TDRD12: variants seen among roughly 807,000 people sequenced by gnomAD.
The protein encoded by TDRD12 is putative ATP-dependent RNA helicase TDRD12.
Under a neutral mutation model 133.5 loss-of-function variants are expected in TDRD12, and 158 were observed. That is an observed-to-expected ratio of 1.18 (90% CI 1.04 to 1.35). TDRD12 has a LOEUF of 1.35. Among genes scored for constraint, TDRD12 ranks in the 40% most tolerant of loss-of-function variants. The pLI, the probability that TDRD12 is intolerant of heterozygous loss-of-function variation, is 0.00. For synonymous variants in TDRD12, 460 were observed against 477.9 expected, an observed-to-expected ratio of 0.96 and a Z score of 0.49; for missense variants, 1,443 against 1,321.3, an observed-to-expected ratio of 1.09 and a Z score of -1.43.
At chr19:32,723,450 T>A (rs1436576038) in intron 1 of TDRD12, among the ~76,000 whole-genome samples, 2 of 151,888 alleles carry the variant, frequency 1.3e-5, no homozygotes, top group African/African-American at 4.8e-5. Flanking sequence ...AGGGTTTCAC[T>A]GTGTTAGCCA....
chr19:32,827,091 C>A, intron 9 of TDRD12, 73 bp from the exon 33 acceptor site: 1 of 846,980 alleles, frequency 1.2e-6, no homozygotes, highest in Non-Finnish European at 1.6e-6. Flanking sequence ...TCTGCATTGA[C>A]CCAAATAATG....
intron 10 of TDRD12, among the ~76,000 whole-genome samples, chr19:32,775,331 A>G (rs1394061048): frequency 6.6e-6 from 1 of 152,000 alleles, no homozygotes; most frequent in Admixed American, 6.6e-5. Flanking sequence ...TCTATTTATT[A>G]TATCTATATT....
At chr19:32,721,491 T>G (rs1184580212) in intron 1 of TDRD12, among the ~76,000 whole-genome samples, 1 of 152,002 alleles carries the variant, frequency 6.6e-6, no homozygotes, top group Non-Finnish European at 1.5e-5. Context: ...GTTCAAGTGA[T>G]TCTCCTGCCT....
In TDRD12 at chr19:32,781,237, C is replaced by T. The variant is rs559111285; in HGVS notation, c.1121+4008C>T. 2.6e-4 allele frequency among the ~76,000 whole-genome samples: 40 copies of T among 152,258 alleles called. 2 individuals are homozygous for T. The South Asian group carries it at 3.9e-3, about 15-fold the overall frequency. On this transcript the variant is annotated intron_variant, in intron 11 of 27. Transcript: ENST00000444215. ...GATTACAGGCGTGAGCCACCGCGCT[C>T]GGCCATTTTTAATCTATCTTAAAGA...
chr19:32,766,777 G>T (rs190496101), intron 8 of TDRD12, among the ~76,000 whole-genome samples: 35 of 152,066 alleles, frequency 2.3e-4, no homozygotes, highest in African/African-American at 7.5e-4. Context: ...ACCACGCCCG[G>T]CTAGTTTTTG....
intron 1 of TDRD12, 33 bp from the exon 2 acceptor site, chr19:32,731,692 C>A (rs529101068): frequency 6.6e-7 from 1 of 1,508,230 alleles, no homozygotes; most frequent in Admixed American, 2.3e-5. Flanking sequence ...TTAAATCATA[C>A]GCTGTTCTGT....
chr19:32,773,447 CT>C lies in TDRD12; in HGVS notation c.964-5del. On this transcript the variant is annotated splice_polypyrimidine_tract_variant and splice_region_variant and intron_variant, in intron 9 of 27. Transcript: ENST00000444215. Reference sequence around the variant, plus strand: ...CACATTCTTTCTGAAGAAAAGTTTTCTTTTACAGCGTGTTGAATCCTCAGTG... The same window carrying C: ...CACATTCTTTCTGAAGAAAAGTTTTCTTTACAGCGTGTTGAATCCTCAGTG... 1 of 1,551,390 alleles carries C rather than the reference CT, an allele frequency of 6.4e-7. No individual in the cohort carries two copies. The highest frequency in any genetic ancestry group is 8.7e-7 in the Non-Finnish European group (1 of 1,146,782).
At chr19:32,785,988 AT>A (rs1010888443) in intron 11 of TDRD12, among the ~76,000 whole-genome samples, 37 of 152,154 alleles carry the variant, frequency 2.4e-4, no homozygotes, top group African/African-American at 8.4e-4. Flanking sequence ...CTAGCTGGTT[AT>A]TTTGCCCATT....
chr19:32,794,690 A>T (rs1425291941), exon 14 of TDRD12: 1 of 703,022 alleles, frequency 1.4e-6, no homozygotes, highest in Non-Finnish European at 2.6e-6. Context: ...GGCCTCCCAT[A>T]GCGCGTGGCT....
chr19:32,775,523 A>G (rs1356096067), intron 10 of TDRD12, among the ~76,000 whole-genome samples: 1 of 152,098 alleles, frequency 6.6e-6, no homozygotes, highest in African/African-American at 2.4e-5. Flanking sequence ...GCAGAGATGG[A>G]AGTCTCGCTA....
intron 11 of TDRD12, among the ~76,000 whole-genome samples, chr19:32,778,712 C>T (rs1970679148): frequency 2.0e-5 from 3 of 152,304 alleles, no homozygotes; most frequent in Non-Finnish European, 4.4e-5. Context: ...GTTGGCCAGG[C>T]TGGTCTCGAA....
At chr19:32,739,784 C>T (rs1449686250) in intron 3 of TDRD12, among the ~76,000 whole-genome samples, 1 of 136,086 alleles carries the variant, frequency 7.3e-6, no homozygotes, top group Non-Finnish European at 1.6e-5. Flanking sequence ...GCTCTCTCTG[C>T]ATCTCCTGGG....
chr19:32,800,793 A>G, intron 18 of TDRD12, 21 bp downstream of exon 18: 1 of 1,500,448 alleles, frequency 6.7e-7, no homozygotes, highest in Admixed American at 2.3e-5. Flanking sequence ...CTCCATATAA[A>G]AAATGTTCTG....
At chr19:32,776,517 T>G (rs1970590069) in intron 10 of TDRD12, among the ~76,000 whole-genome samples, 1 of 152,088 alleles carries the variant, frequency 6.6e-6, no homozygotes, top group Non-Finnish European at 1.5e-5. Flanking sequence ...GGAAGAAGTC[T>G]CTCCTGGAGA....
chr19:32,755,804 T>C lies in TDRD12; in HGVS notation c.583-188T>C, dbSNP rs111885551. Among the ~76,000 whole-genome samples the C allele has an allele frequency of 8.0e-3, 1,222 of 152,366 alleles. 16 individuals are homozygous for C. Among genetic ancestry groups the C allele is most frequent in the African/African-American group, 0.028 (1,158 of 41,588 alleles). On this transcript the variant is annotated intron_variant, in intron 6 of 27. Transcript: ENST00000444215. ...GTGTTTCACACAGATGCTTGCTGTT[T>C]TTCCTCATCAGGATTGGTGGGAAGT... is the stretch of plus-strand genomic sequence containing the variant.
chr19:32,772,731 T>TA (rs1313953201), intron 8 of TDRD12, 22 bp from the exon 9 acceptor site: 1 of 1,419,964 alleles, frequency 7.0e-7, no homozygotes, highest in Non-Finnish European at 9.4e-7. Flanking sequence ...GTAGCTTTTT[T>TA]ATTACCATTT....
At chr19:32,757,094 A>G in exon 8 of TDRD12, 1 of 1,551,852 alleles carries the variant, frequency 6.4e-7, no homozygotes, top group Middle Eastern at 1.7e-4. Flanking sequence ...GTGCAAGGGT[A>G]TTGTCGGTGA....
exon 23 of TDRD12, chr19:32,810,204 T>C: frequency 6.5e-7 from 1 of 1,536,114 alleles, no homozygotes; most frequent in Non-Finnish European, 8.7e-7. Flanking sequence ...TTTTAAGGAT[T>C]CTAATAAAAC....
chr19:32,726,757 C>A (rs974914222), intron 1 of TDRD12, among the ~76,000 whole-genome samples: 1 of 151,956 alleles, frequency 6.6e-6, no homozygotes, highest in Admixed American at 6.6e-5. Context: ...AAATATATGT[C>A]TTTTTTTAAA....
Sources: gnomAD v4.1 joint callset for allele counts (sites outside exome capture counted in the v4.1 genomes callset) on GRCh38, gnomAD v4.1.1 for gene constraint, MANE v1.5 for transcripts, NCBI Gene and HGNC (gene_info 2026-07-23, HGNC 2026-07-21) for gene names.